Variants in PPIP5K2 observed in about 807,000 individuals in gnomAD.
The protein encoded by PPIP5K2 is diphosphoinositol pentakisphosphate kinase 2, also known as inositol hexakisphosphate and diphosphoinositol-pentakisphosphate kinase 2.
Under a neutral mutation model 154.6 loss-of-function variants are expected in PPIP5K2, and 105 were observed. The observed-to-expected ratio is 0.68, with a 90% CI of 0.58 to 0.80. The LOEUF (loss-of-function observed/expected upper bound fraction) is 0.80, where lower values mean the gene tolerates loss of function less well. Ranked by LOEUF, PPIP5K2 falls within the 30% of genes least tolerant of loss-of-function variation. The pLI is 0.00. For missense variants in PPIP5K2, 992 were observed against 1,504.6 expected, an observed-to-expected ratio of 0.66 and a Z score of 5.64; for synonymous variants, 480 against 490.3, an observed-to-expected ratio of 0.98 and a Z score of 0.28.
chr5:103,150,495 G>C (rs1468157498), intron 8 of PPIP5K2, among the ~76,000 whole-genome samples: 1 of 152,184 alleles, frequency 6.6e-6, no homozygotes, highest in Admixed American at 6.5e-5. Flanking sequence ...GATTTCGACT[G>C]GGCGTGGTGG....
At chr5:103,147,464 G>A (rs1409976051) in intron 6 of PPIP5K2, among the ~76,000 whole-genome samples, 9 of 151,924 alleles carry the variant, frequency 5.9e-5, no homozygotes, top group Admixed American at 3.3e-4. Flanking sequence ...CTATTAATGA[G>A]CAGTTCCACT....
intron 5 of PPIP5K2, among the ~76,000 whole-genome samples, chr5:103,141,394 AGTT>A (rs1792624435): frequency 6.6e-6 from 1 of 150,478 alleles, no homozygotes; most frequent in South Asian, 2.1e-4. Context: ...GCGCGTCTGG[AGTT>A]GTTCGTTCCT....
chr5:103,189,260 G>A (rs1800855113), intron 28 of PPIP5K2: 1 of 1,466,792 alleles, frequency 6.8e-7, no homozygotes, highest in Non-Finnish European at 9.2e-7. Flanking sequence ...ATGTCAGCAG[G>A]GTGGCTTTTT....
chr5:103,126,878 C>T (rs1162609959), intron 1 of PPIP5K2, among the ~76,000 whole-genome samples: 1 of 151,942 alleles, frequency 6.6e-6, no homozygotes, highest in African/African-American at 2.4e-5. Flanking sequence ...TTTGGCAGCA[C>T]CCTCACAGAT....
At chr5:103,157,544 G>A (rs145696281) in intron 14 of PPIP5K2, among the ~76,000 whole-genome samples, 116 of 152,096 alleles carry the variant, frequency 7.6e-4, no homozygotes, top group African/African-American at 2.6e-3. Flanking sequence ...TTAGGAGGCC[G>A]AGGTGGGTGG....
chr5:103,133,765 C>T, intron 3 of PPIP5K2, 117 bp downstream of exon 3: 1 of 755,696 alleles, frequency 1.3e-6, no homozygotes, highest in Non-Finnish European at 1.9e-6. Flanking sequence ...CTTTCATGGA[C>T]AGGTAATATT....
chr5:103,160,574 A>T (rs1304351035), intron 17 of PPIP5K2, among the ~76,000 whole-genome samples: 7 of 152,322 alleles, frequency 4.6e-5, no homozygotes, highest in African/African-American at 1.7e-4. Context: ...TATTTTATTT[A>T]AAAAAATTAG....
At chr5:103,142,350 A>G (rs1792909985) in intron 5 of PPIP5K2, among the ~76,000 whole-genome samples, 1 of 151,922 alleles carries the variant, frequency 6.6e-6, no homozygotes, top group Non-Finnish European at 1.5e-5. Flanking sequence ...GCCCAAGCCC[A>G]CGCCCACCCA....
At chr5:103,168,418 A>ATTAGGTAAT in intron 19 of PPIP5K2, 123 bp downstream of exon 19, 2 of 685,228 alleles carry the variant, frequency 2.9e-6, no homozygotes, top group South Asian at 3.7e-5. Flanking sequence ...TAAACAGGAA[A>ATTAGGTAAT]TTAGGTAATT....
chr5:103,180,232 C>A, intron 24 of PPIP5K2, 44 bp downstream of exon 24: 1 of 1,417,730 alleles, frequency 7.1e-7, no homozygotes. Context: ...AGTAAACTAA[C>A]TATATTTTAA....
rs1275521168 is a variant in PPIP5K2, at chr5:103,154,002, CTT to C, written c.1217+71_1217+72del. ...TAAGATTTCTGATAAGTGATCAACT[CTT>C]TTGATTAATACATCATATAGAAAAA... is the stretch of plus-strand genomic sequence containing the variant. On this transcript the variant is annotated intron_variant, in intron 11 of 30. Coordinates refer to ENST00000358359, the MANE Select transcript of PPIP5K2 (RefSeq NM_001276277.3). The C allele has an allele frequency of 4.2e-6, 5 of 1,203,642 alleles. No homozygotes were observed. In the Admixed American group the frequency reaches 6.6e-5, roughly 16 times the overall value. The allele number at this position is 1,203,642 out of a possible 1,614,324, so 74.6% of individuals were successfully genotyped here.
At chr5:103,124,828 G>C (rs1462850193) in intron 1 of PPIP5K2, among the ~76,000 whole-genome samples, 2 of 152,162 alleles carry the variant, frequency 1.3e-5, no homozygotes, top group Non-Finnish European at 2.9e-5. Context: ...TTTATGGTGA[G>C]ACAACATGTT....
chr5:103,133,013 A>G (rs1307059454), intron 2 of PPIP5K2, among the ~76,000 whole-genome samples: 1 of 152,206 alleles, frequency 6.6e-6, no homozygotes, highest in Non-Finnish European at 1.5e-5. Context: ...TTCAAGTGCA[A>G]ACTACAATAA....
chr5:103,171,631 A>G (rs1185955590), intron 19 of PPIP5K2, among the ~76,000 whole-genome samples: 2 of 151,602 alleles, frequency 1.3e-5, no homozygotes, highest in African/African-American at 2.4e-5. Context: ...TAAAAGTAAT[A>G]TATCTTTGTG....
At chr5:103,186,475 C>T (rs1248206458) in intron 27 of PPIP5K2, 36 bp downstream of exon 27, 3 of 1,612,216 alleles carry the variant, frequency 1.9e-6, no homozygotes, top group Admixed American at 1.7e-5. Context: ...TTCATACCTA[C>T]ACCCATGCAC....
In PPIP5K2 at chr5:103,129,393, TG is replaced by T. The variant is rs1204546192; in HGVS notation, c.-196del. 1 of 364,468 alleles carries T rather than the reference TG, an allele frequency of 2.7e-6. No homozygotes were observed. The highest frequency in any genetic ancestry group is 4.9e-6 in the Non-Finnish European group (1 of 203,738). The allele number at this position is 364,468 out of a possible 1,614,324, so 22.6% of individuals were successfully genotyped here. On this transcript the variant is annotated 5_prime_UTR_variant, in exon 2 of 31. It removes an upstream start codon present in the reference 5' UTR. Coordinates refer to ENST00000358359, the MANE Select transcript of PPIP5K2 (RefSeq NM_001276277.3). ...GCAACAACAACTTTGATATCAACAA[TG>T]AAGCAATGATATCTAAGAACAAAAG... is the stretch of plus-strand genomic sequence containing the variant.
intron 10 of PPIP5K2, among the ~76,000 whole-genome samples, 178 bp downstream of exon 10, chr5:103,152,927 A>G (rs1554211813): frequency 1.3e-5 from 2 of 151,906 alleles, no homozygotes; most frequent in Non-Finnish European, 3.0e-5. Flanking sequence ...AATTGTTACA[A>G]ATAAACTACT....
At chr5:103,171,863 A>G (rs1798028702) in intron 19 of PPIP5K2, among the ~76,000 whole-genome samples, 1 of 151,668 alleles carries the variant, frequency 6.6e-6, no homozygotes, top group African/African-American at 2.4e-5. Context: ...TTCATTTAGC[A>G]TAAAGAACTT....
At chr5:103,189,835 A>T (rs1800951611) in intron 28 of PPIP5K2, among the ~76,000 whole-genome samples, 1 of 152,092 alleles carries the variant, frequency 6.6e-6, no homozygotes, top group African/African-American at 2.4e-5. Flanking sequence ...GCACACGCCT[A>T]TTGAAGCAGA....
Sources: gnomAD v4.1 joint callset for allele counts (sites outside exome capture counted in the v4.1 genomes callset) on GRCh38, gnomAD v4.1.1 for gene constraint, MANE v1.5 for transcripts, NCBI Gene and HGNC (gene_info 2026-07-23, HGNC 2026-07-21) for gene names.